B3GALT1: variants seen among roughly 807,000 people sequenced by gnomAD.
The protein encoded by B3GALT1 is beta-1,3-galactosyltransferase 1.
Under a neutral mutation model 23.2 loss-of-function variants are expected in B3GALT1, and 10 were observed. That is an observed-to-expected ratio of 0.43 (90% CI 0.27 to 0.73). B3GALT1 has a LOEUF of 0.73. Among genes scored for constraint, B3GALT1 ranks in the 30% least tolerant of loss-of-function variants. The pLI, the probability that B3GALT1 is intolerant of heterozygous loss-of-function variation, is 0.21. For synonymous variants in B3GALT1, 156 were observed against 141.5 expected (o/e 1.10, Z -0.73); for missense variants, 299 against 405.4 (o/e 0.74, Z 2.25).
At chr2:167,701,539 T>A (rs1483041244) in intron 3 of B3GALT1, among the ~76,000 whole-genome samples, 1 of 152,196 alleles carries the variant, frequency 6.6e-6, no homozygotes, top group Non-Finnish European at 1.5e-5. Flanking sequence ...CTGGGTTTCA[T>A]AACAATAAAA....
At chr2:167,810,667 A>G (rs778524134) in intron 3 of B3GALT1, among the ~76,000 whole-genome samples, 12 of 150,896 alleles carry the variant, frequency 8.0e-5, no homozygotes, top group African/African-American at 2.5e-4. Context: ...TTAACATCCA[A>G]CTAAGCTTGC....
At chr2:167,309,491 G>A (rs112566138) in intron 1 of B3GALT1, among the ~76,000 whole-genome samples, 266 of 152,134 alleles carry the variant, frequency 1.7e-3, no homozygotes, top group African/African-American at 6.1e-3. Flanking sequence ...GGCAGAATCA[G>A]TATATATTGC....
intron 2 of B3GALT1, among the ~76,000 whole-genome samples, chr2:167,583,184 A>G (rs571476767): frequency 6.6e-6 from 1 of 152,280 alleles, no homozygotes; most frequent in South Asian, 2.1e-4. Flanking sequence ...CAGACATTCT[A>G]CCACCCTATT....
chr2:167,508,629 T>A (rs1289211787), intron 2 of B3GALT1, among the ~76,000 whole-genome samples: 1 of 152,194 alleles, frequency 6.6e-6, no homozygotes, highest in African/African-American at 2.4e-5. Context: ...AACTTTTTTT[T>A]TAGAGTTTCT....
intron 3 of B3GALT1, among the ~76,000 whole-genome samples, chr2:167,708,758 T>A (rs957023134): frequency 1.3e-5 from 2 of 152,192 alleles, no homozygotes; most frequent in African/African-American, 4.8e-5. Flanking sequence ...GCTCTAGCTC[T>A]CCCATTGTAT....
intron 1 of B3GALT1, among the ~76,000 whole-genome samples, chr2:167,432,158 C>A (rs1462451479): frequency 6.6e-6 from 1 of 151,954 alleles, no homozygotes; most frequent in East Asian, 1.9e-4. Flanking sequence ...ACTGCAGGGG[C>A]GCCGGATCTG....
At position 167,750,598 on chromosome 2, in the gene B3GALT1, GGT is replaced by G. The variant is rs553018107; in HGVS notation, c.-351-68073_-351-68072del. 6.6e-3 allele frequency among the ~76,000 whole-genome samples: 1,010 copies of G among 151,996 alleles called. 6 individuals are homozygous for G. The highest frequency in any genetic ancestry group is 0.017 in the Middle Eastern group (5 of 294). ...TGGAGTTCAACCAGGTTGGTACCTG[GGT>G]ACCTGGTACTGTCCCCTCAGGTGTC... is the stretch of plus-strand genomic sequence containing the variant. On this transcript the variant is annotated intron_variant, in intron 3 of 4. Transcript: ENST00000392690.
intron 4 of B3GALT1, among the ~76,000 whole-genome samples, chr2:167,838,828 C>T (rs1689557848): frequency 1.3e-5 from 2 of 152,284 alleles, no homozygotes; most frequent in South Asian, 4.1e-4. Flanking sequence ...GCTTATCCAC[C>T]ATGATCAAGT....
intron 1 of B3GALT1, among the ~76,000 whole-genome samples, chr2:167,297,237 A>G (rs777841263): frequency 1.3e-5 from 2 of 152,142 alleles, no homozygotes; most frequent in Non-Finnish European, 2.9e-5. Flanking sequence ...AAATAACAGT[A>G]TTTATGACTG....
At chr2:167,512,546 GTA>G (rs201554463) in intron 2 of B3GALT1, among the ~76,000 whole-genome samples, 31 of 80,224 alleles carry the variant, frequency 3.9e-4, no homozygotes, top group South Asian at 1.2e-3. Context: ...ATATATATAT[GTA>G]TATATATGTA....
intron 2 of B3GALT1, among the ~76,000 whole-genome samples, chr2:167,597,381 C>T (rs190785650): frequency 6.6e-6 from 1 of 152,266 alleles, no homozygotes; most frequent in Non-Finnish European, 1.5e-5. Flanking sequence ...TCCCAAAGTG[C>T]TGGGATTACA....
At chr2:167,856,167 A>G (rs1314029154) in intron 4 of B3GALT1, among the ~76,000 whole-genome samples, 3 of 152,184 alleles carry the variant, frequency 2.0e-5, no homozygotes, top group Non-Finnish European at 4.4e-5. Flanking sequence ...AACCTGTCCT[A>G]TATGCCTACT....
At chr2:167,865,745 T>C (rs191157161) in intron 4 of B3GALT1, among the ~76,000 whole-genome samples, 9 of 152,244 alleles carry the variant, frequency 5.9e-5, no homozygotes, top group African/African-American at 1.7e-4. Context: ...TGAGCCGAGA[T>C]TGCACCACTG....
chr2:167,677,298 T>C lies in B3GALT1; in HGVS notation c.-352+30332T>C, dbSNP rs576099795. The stretch of plus-strand genomic sequence containing the variant: ...CATGTATGCATCTCATACTGCCACA[T>C]TGTATACCTTAAATATACACAATAA... On this transcript the variant is annotated intron_variant, in intron 3 of 4. Coordinates refer to ENST00000392690, the MANE Select transcript of B3GALT1 (RefSeq NM_020981.4). Among the ~76,000 whole-genome samples the C allele has an allele frequency of 1.3e-3, 197 of 152,320 alleles. 2 individuals carry two copies. Among genetic ancestry groups the C allele is most frequent in the African/African-American group, 4.5e-3 (186 of 41,568 alleles).
intron 1 of B3GALT1, among the ~76,000 whole-genome samples, chr2:167,366,458 C>T (rs1049797319): frequency 3.9e-5 from 6 of 152,110 alleles, no homozygotes; most frequent in Non-Finnish European, 7.4e-5. Flanking sequence ...CACGGGAAAA[C>T]TGGGAACACC....
At chr2:167,700,006 C>T (rs1686853959) in intron 3 of B3GALT1, among the ~76,000 whole-genome samples, 1 of 152,190 alleles carries the variant, frequency 6.6e-6, no homozygotes, top group Non-Finnish European at 1.5e-5. Flanking sequence ...AGCCACCATG[C>T]GCAGCCTAGA....
intron 2 of B3GALT1, among the ~76,000 whole-genome samples, chr2:167,559,250 C>T (rs1408991545): frequency 1.3e-5 from 2 of 152,178 alleles, no homozygotes; most frequent in African/African-American, 4.8e-5. Context: ...GCTGAGGGTC[C>T]TGTCTGTTAG....
chr2:167,296,493 G>C (rs996400366), intron 1 of B3GALT1, among the ~76,000 whole-genome samples: 2 of 151,366 alleles, frequency 1.3e-5, no homozygotes, highest in African/African-American at 4.9e-5. Flanking sequence ...TCTTTCTTTC[G>C]CTCTCTCTCA....
chr2:167,799,574 G>T (rs530836162), intron 3 of B3GALT1, among the ~76,000 whole-genome samples: 10 of 152,252 alleles, frequency 6.6e-5, no homozygotes, highest in African/African-American at 1.2e-4. Context: ...ATATTGCAAA[G>T]GATTGTTTTT....
Sources: allele counts gnomAD v4.1 joint callset (sites outside exome capture counted in the v4.1 genomes callset), GRCh38; gene constraint gnomAD v4.1.1; transcripts MANE v1.5; gene names NCBI Gene and HGNC (gene_info 2026-07-23, HGNC 2026-07-21).